Variants in CBLN2 observed in about 807,000 individuals in gnomAD.
CBLN2 encodes the protein cerebellin-2.
CBLN2 carries 7 observed loss-of-function variants against 15.0 expected under a neutral mutation model. The ratio of observed to expected loss-of-function variants is 0.47; its 90% CI spans 0.27 to 0.88. The LOEUF is 0.88. Ranked by LOEUF, CBLN2 falls within the 40% of genes least tolerant of loss-of-function variation. The pLI is 0.14. For missense variants in CBLN2, 242 were observed against 304.5 expected (o/e 0.79, Z 1.53); for synonymous variants, 149 against 135.2 (o/e 1.10, Z -0.71).
At chr18:72,576,298 G>A (rs1262974278) in intron 1 of CBLN2, among the ~76,000 whole-genome samples, 1 of 152,116 alleles carries the variant, frequency 6.6e-6, no homozygotes, top group Non-Finnish European at 1.5e-5. Flanking sequence ...CACATTTTTA[G>A]CCTTAGAATG....
At chr18:72,555,168 G>C (rs2069217475) in intron 1 of CBLN2, among the ~76,000 whole-genome samples, 1 of 151,612 alleles carries the variant, frequency 6.6e-6, no homozygotes, top group Non-Finnish European at 1.5e-5. Flanking sequence ...GAGAGAGAGA[G>C]AGAGAGGGAA....
chr18:72,633,062 C>T (rs914313041), intron 1 of CBLN2, among the ~76,000 whole-genome samples: 2 of 152,230 alleles, frequency 1.3e-5, no homozygotes, highest in East Asian at 3.9e-4. Flanking sequence ...TGTTTCATTA[C>T]CTAATTTTGA....
At chr18:72,585,246 G>A (rs59289067) in intron 1 of CBLN2, among the ~76,000 whole-genome samples, 2,646 of 152,272 alleles carry the variant, frequency 0.017, 74 homozygotes, top group African/African-American at 0.06. Flanking sequence ...AGGTGGACAT[G>A]TTTCAGACCC....
intron 1 of CBLN2, among the ~76,000 whole-genome samples, chr18:72,584,071 A>G (rs1038861181): frequency 1.3e-5 from 2 of 152,090 alleles, no homozygotes; most frequent in East Asian, 1.9e-4. Context: ...CAGGACCTCT[A>G]GTTTCTGTTT....
intron 1 of CBLN2, among the ~76,000 whole-genome samples, chr18:72,590,406 A>G (rs941689687): frequency 4.6e-5 from 7 of 152,142 alleles, no homozygotes; most frequent in African/African-American, 1.7e-4. Context: ...TGATTGCACT[A>G]TTGCACTCCA....
chr18:72,638,320 C>T lies in CBLN2; in HGVS notation c.15+5G>A, dbSNP rs117980186. The T allele has an allele frequency of 2.2e-4, 88 of 398,568 alleles. 2 individuals carry two copies. Among genetic ancestry groups the T allele is most frequent in the Middle Eastern group, 6.3e-4 (1 of 1,588 alleles). 24.7% of individuals were successfully genotyped at this position (398,568 alleles called of 1,614,324 possible). A position where few individuals can be genotyped will look rare whatever the true frequency, so the allele number is the denominator to read the frequency against. On this transcript the variant is annotated splice_donor_5th_base_variant and intron_variant, in intron 1 of 2. Coordinates refer to the CBLN2 transcript ENST00000581073. The stretch of plus-strand genomic sequence containing the variant: ...TTCTGTCTAGCCTAAAGTTTTAACA[C>T]GTACCTTGTCCCAATCCATTCCAGT...
At chr18:72,558,754 G>T (rs1398401838) in intron 1 of CBLN2, among the ~76,000 whole-genome samples, 3 of 152,074 alleles carry the variant, frequency 2.0e-5, no homozygotes, top group African/African-American at 7.3e-5. Flanking sequence ...AGCATATGAG[G>T]TTTTAAAATA....
intron 1 of CBLN2, among the ~76,000 whole-genome samples, chr18:72,613,222 G>A (rs539751853): frequency 1.3e-5 from 2 of 152,270 alleles, no homozygotes; most frequent in South Asian, 4.1e-4. Context: ...ATGTGGTAGA[G>A]GAGGTTAGGA....
At chr18:72,559,997 AAT>A (rs2069249993) in intron 1 of CBLN2, among the ~76,000 whole-genome samples, 1 of 152,228 alleles carries the variant, frequency 6.6e-6, no homozygotes. Context: ...TAGGAATAAT[AAT>A]ATCAGCTCTC....
rs141573412 is a variant in CBLN2, at chr18:72,581,483, G to A, written c.16-42711C>T. On this transcript the variant is annotated intron_variant, in intron 1 of 2. Transcript: ENST00000581073. ...TTTCCTTGGTTACTGATAAGGTGAA[G>A]CACATTTCTTTATGTATACTGACCA... is the stretch of plus-strand genomic sequence containing the variant. Among the ~76,000 whole-genome samples, 109 of 152,222 alleles carry A rather than the reference G, an allele frequency of 7.2e-4. 2 individuals carry two copies. Among genetic ancestry groups the A allele is most frequent in the Non-Finnish European group, 1.2e-3 (85 of 68,004 alleles).
At chr18:72,562,399 A>G (rs746378222) in intron 1 of CBLN2, among the ~76,000 whole-genome samples, 1 of 152,240 alleles carries the variant, frequency 6.6e-6, no homozygotes, top group East Asian at 1.9e-4. Flanking sequence ...ATGAAATCAT[A>G]TAAGAAGAAA....
chr18:72,586,972 T>C (rs969797260), intron 1 of CBLN2, among the ~76,000 whole-genome samples: 2 of 152,030 alleles, frequency 1.3e-5, no homozygotes, highest in African/African-American at 4.8e-5. Flanking sequence ...AAACCTGTTA[T>C]CCAGTTACAG....
chr18:72,625,609 G>C (rs888326997), intron 1 of CBLN2, among the ~76,000 whole-genome samples: 3 of 147,612 alleles, frequency 2.0e-5, no homozygotes, highest in African/African-American at 7.4e-5. Flanking sequence ...ATGAGTCTGA[G>C]GGTAATACTA....
intron 1 of CBLN2, among the ~76,000 whole-genome samples, chr18:72,549,734 C>A (rs2069180124): frequency 6.6e-6 from 1 of 152,050 alleles, no homozygotes; most frequent in African/African-American, 2.4e-5. Context: ...ACTGAGAAAA[C>A]AGGAGAAATG....
At chr18:72,606,688 A>G (rs560449608) in intron 1 of CBLN2, among the ~76,000 whole-genome samples, 16 of 152,322 alleles carry the variant, frequency 1.1e-4, no homozygotes, top group African/African-American at 3.6e-4. Flanking sequence ...ACAGGGCACA[A>G]CAGAACACAT....
intron 1 of CBLN2, among the ~76,000 whole-genome samples, chr18:72,555,156 C>CAG (rs368924554): frequency 1.4e-3 from 213 of 148,550 alleles, no homozygotes; most frequent in Middle Eastern, 3.5e-3. Flanking sequence ...AAGAAAAACA[C>CAG]AGAGAGAGAG....
chr18:72,581,146 A>T (rs1291822468), intron 1 of CBLN2, among the ~76,000 whole-genome samples: 2 of 152,208 alleles, frequency 1.3e-5, no homozygotes, highest in Admixed American at 1.3e-4. Context: ...ATCCTCAGAT[A>T]TCTCTCCTCT....
At chr18:72,589,037 T>A in intron 1 of CBLN2, among the ~76,000 whole-genome samples, 1 of 152,108 alleles carries the variant, frequency 6.6e-6, no homozygotes, top group East Asian at 1.9e-4. Context: ...GCTGCTCTGG[T>A]CAGATGTTGA....
intron 1 of CBLN2, among the ~76,000 whole-genome samples, chr18:72,637,445 C>T (rs765388934): frequency 6.6e-6 from 1 of 152,230 alleles, no homozygotes; most frequent in Non-Finnish European, 1.5e-5. Flanking sequence ...AGCAGATCCA[C>T]AGCCCTGACA....
Sources: gnomAD v4.1 joint callset for allele counts (sites outside exome capture counted in the v4.1 genomes callset) on GRCh38, gnomAD v4.1.1 for gene constraint, MANE v1.5 for transcripts, NCBI Gene and HGNC (gene_info 2026-07-23, HGNC 2026-07-21) for gene names.